The following LMO1 variants were observed in gnomAD, a reference collection of about 807,000 sequenced individuals.
LMO1 encodes rhombotin-1.
A neutral mutation model predicts 18.0 loss-of-function variants in LMO1; 10 were observed. That is an observed-to-expected ratio of 0.55 (90% CI 0.34 to 0.94). The LOEUF is 0.94. Ranked by LOEUF, LMO1 falls within the 40% of genes least tolerant of loss-of-function variation. LMO1 has a pLI of 0.02. For missense variants in LMO1, 183 were observed against 205.7 expected, an observed-to-expected ratio of 0.89 and a Z score of 0.68; for synonymous variants, 77 against 77.9, an observed-to-expected ratio of 0.99 and a Z score of 0.06.
chr11:8,226,009 C>A (rs1952533024), intron 3 of LMO1, among the ~76,000 whole-genome samples: 1 of 152,166 alleles, frequency 6.6e-6, no homozygotes, highest in Admixed American at 6.5e-5. Flanking sequence ...GGCCAAGAGA[C>A]CAGAAAATAG....
chr11:8,240,539 A>G (rs1446515926), intron 1 of LMO1, among the ~76,000 whole-genome samples: 1 of 152,150 alleles, frequency 6.6e-6, no homozygotes, highest in African/African-American at 2.4e-5. Flanking sequence ...ACAGTTCTGG[A>G]GGCTGGGAAA....
chr11:8,262,481 C>T (rs1847202302), intron 1 of LMO1, among the ~76,000 whole-genome samples: 1 of 152,170 alleles, frequency 6.6e-6, no homozygotes, highest in Non-Finnish European at 1.5e-5. Context: ...CTGCAGGGCA[C>T]TCCCTGCCAG....
upstream of LMO1, among the ~76,000 whole-genome samples, chr11:8,266,464 A>G (rs1362555312): frequency 6.6e-6 from 1 of 151,992 alleles, no homozygotes; most frequent in East Asian, 1.9e-4. Flanking sequence ...TGGGGGAGGT[A>G]GTTTTCCCCC....
rs369806054 is a variant in LMO1, at chr11:8,224,568, G to A, written c.*48C>T. ...GGCTGGCTGGCCGGCCAGGCAGGTGGGCAGGCGGGCAGATGGACAGACGGG... is the reference window on the plus strand; with the variant it reads ...GGCTGGCTGGCCGGCCAGGCAGGTGAGCAGGCGGGCAGATGGACAGACGGG... On this transcript the variant is annotated 3_prime_UTR_variant, in exon 4 of 4. Coordinates refer to ENST00000335790, the MANE Select transcript of LMO1 (RefSeq NM_002315.3). 24 of 1,220,580 alleles carry A rather than the reference G, an allele frequency of 2.0e-5. No homozygotes were observed. The East Asian group carries it at 3.3e-4, about 17-fold the overall frequency. 75.6% of individuals were successfully genotyped at this position (1,220,580 alleles called of 1,614,324 possible).
At chr11:8,258,897 C>T (rs1321649247) in intron 1 of LMO1, among the ~76,000 whole-genome samples, 3 of 152,186 alleles carry the variant, frequency 2.0e-5, no homozygotes, top group Non-Finnish European at 2.9e-5. Flanking sequence ...AGCTTTTAGG[C>T]GAGCAGCGGC....
intron 1 of LMO1, among the ~76,000 whole-genome samples, chr11:8,257,695 A>G (rs777983202): frequency 1.3e-5 from 2 of 152,210 alleles, no homozygotes; most frequent in Non-Finnish European, 2.9e-5. Flanking sequence ...ACTTGCAAAG[A>G]GTGGTCCTAG....
chr11:8,224,578 CAGATGG>C lies in LMO1; in HGVS notation c.*32_*37del, dbSNP rs770427754. ...CCGGCCAGGCAGGTGGGCAGGCGGG[CAGATGG>C]ACAGACGGGCCTGGAGGCCAGGCGC... is the stretch of plus-strand genomic sequence containing the variant. On this transcript the variant is annotated 3_prime_UTR_variant, in exon 4 of 4. Coordinates refer to ENST00000335790, the MANE Select transcript of LMO1 (RefSeq NM_002315.3). 4.5e-6 allele frequency: 6 copies of C among 1,336,256 alleles called. No homozygotes were observed. Among genetic ancestry groups the C allele is most frequent in the Non-Finnish European group, 6.3e-6 (6 of 952,800 alleles). 82.8% of individuals were successfully genotyped at this position (1,336,256 alleles called of 1,614,324 possible).
intron 1 of LMO1, among the ~76,000 whole-genome samples, chr11:8,240,363 GACTGAGGAGTTTCC>G (rs1490855096): frequency 6.6e-6 from 1 of 152,198 alleles, no homozygotes; most frequent in Non-Finnish European, 1.5e-5. Context: ...GACATAAAGG[GACTGAGGAGTTTCC>G]ACACATCCCC....
intron 3 of LMO1, among the ~76,000 whole-genome samples, chr11:8,225,404 C>CAAAAAAAAA (rs34847129): frequency 1.7e-4 from 6 of 34,722 alleles, no homozygotes; most frequent in Admixed American, 4.2e-4. Context: ...GACTCCATCT[C>CAAAAAAAAA]AAAAAAAAAA....
chr11:8,232,152 G>A (rs985404775), intron 1 of LMO1, among the ~76,000 whole-genome samples: 11 of 152,142 alleles, frequency 7.2e-5, no homozygotes, highest in African/African-American at 9.7e-5. Context: ...CAGTGTGCAG[G>A]GCCAGTGGCT....
At chr11:8,255,150 C>T (rs1847068510) in intron 1 of LMO1, among the ~76,000 whole-genome samples, 2 of 152,050 alleles carry the variant, frequency 1.3e-5, no homozygotes, top group Non-Finnish European at 2.9e-5. Flanking sequence ...TTATTTTGGC[C>T]GATAGAATGC....
At chr11:8,240,721 A>C (rs538940563) in intron 1 of LMO1, among the ~76,000 whole-genome samples, 15 of 151,894 alleles carry the variant, frequency 9.9e-5, no homozygotes, top group Non-Finnish European at 1.9e-4. Flanking sequence ...CTCATGACCT[A>C]ATCACCCCCA....
intron 1 of LMO1, among the ~76,000 whole-genome samples, chr11:8,262,311 A>ATGTGT (rs1248674717): frequency 6.6e-6 from 1 of 152,068 alleles, no homozygotes; most frequent in East Asian, 1.9e-4. Flanking sequence ...TCACATACAA[A>ATGTGT]TGCCCCTGCA....
At chr11:8,267,517 C>T (rs1027656754), upstream of LMO1, among the ~76,000 whole-genome samples, 1 of 152,154 alleles carries the variant, frequency 6.6e-6, no homozygotes, top group Non-Finnish European at 1.5e-5. Context: ...GGCGGATGGT[C>T]TCTGGGTCAG....
chr11:8,238,745 G>A (rs1046871892), intron 1 of LMO1, among the ~76,000 whole-genome samples: 3 of 151,938 alleles, frequency 2.0e-5, no homozygotes, highest in Non-Finnish European at 2.9e-5. Context: ...CTGAGAGGAG[G>A]ACAAGGAGCC....
intron 1 of LMO1, among the ~76,000 whole-genome samples, chr11:8,235,300 A>G (rs1230031970): frequency 1.3e-5 from 2 of 152,218 alleles, no homozygotes; most frequent in African/African-American, 4.8e-5. Context: ...ATTTTACCAC[A>G]TTTGATTTAA....
In LMO1 at chr11:8,227,032, C is replaced by T. The variant is rs1253559924; in HGVS notation, c.308G>A (p.Arg103Gln). 6 of 1,613,776 alleles carry T rather than the reference C, an allele frequency of 3.7e-6. No individual in the cohort carries two copies. The highest frequency in any genetic ancestry group is 1.6e-4 in the Middle Eastern group (1 of 6,080). ...GAGGTGATACACGTTGTCCCGGGCC[C>T]GCATCACCATCTCGAAGGCTGGGAT... ...KLIPAFEMVMRARDNVYHLDC... is the reference protein window; with the variant it reads ...KLIPAFEMVMQARDNVYHLDC... Residue 103 changes from arginine (R) to glutamine (Q), a missense_variant, in exon 3 of 4, where the codon CGG becomes CAG. Physicochemically the swap from Arg to Gln is conservative, Grantham distance 43. Coordinates refer to ENST00000335790, the MANE Select transcript of LMO1 (RefSeq NM_002315.3).
At chr11:8,229,985 C>A (rs1275780100) in intron 2 of LMO1, among the ~76,000 whole-genome samples, 1 of 152,220 alleles carries the variant, frequency 6.6e-6, no homozygotes, top group Non-Finnish European at 1.5e-5. Flanking sequence ...GTCAGAAGCA[C>A]CTGGCCAAGG....
At chr11:8,251,687 G>C (rs1477885473) in intron 1 of LMO1, among the ~76,000 whole-genome samples, 2 of 152,142 alleles carry the variant, frequency 1.3e-5, no homozygotes, top group Non-Finnish European at 2.9e-5. Flanking sequence ...GAGAGAGAGA[G>C]AGTGCATGTG....
Sources: allele counts gnomAD v4.1 joint callset (sites outside exome capture counted in the v4.1 genomes callset), GRCh38; gene constraint gnomAD v4.1.1; transcripts MANE v1.5; gene names NCBI Gene and HGNC (gene_info 2026-07-23, HGNC 2026-07-21).